Variants in KNTC1 observed in about 807,000 individuals in gnomAD.
The protein encoded by KNTC1 is kinetochore-associated protein 1.
A neutral mutation model predicts 314.4 loss-of-function variants in KNTC1; 253 were observed. That is an observed-to-expected ratio of 0.80 (90% CI 0.73 to 0.89). The LOEUF (loss-of-function observed/expected upper bound fraction) is 0.89. Among genes scored for constraint, KNTC1 ranks in the 40% least tolerant of loss-of-function variants. KNTC1 has a pLI of 0.00. For synonymous variants in KNTC1, 901 were observed against 901.4 expected (o/e 1.00, Z 0.01); for missense variants, 2,475 against 2,572.9 (o/e 0.96, Z 0.82).
intron 51 of KNTC1, among the ~76,000 whole-genome samples, chr12:122,605,875 G>A (rs560412222): frequency 4.0e-5 from 6 of 151,724 alleles, no homozygotes; most frequent in African/African-American, 1.2e-4. Flanking sequence ...ACAGAGTTTC[G>A]CTCTGTCACC....
chr12:122,532,837 AC>A (rs1961475255), intron 2 of KNTC1, among the ~76,000 whole-genome samples: 1 of 152,240 alleles, frequency 6.6e-6, no homozygotes, highest in Non-Finnish European at 1.5e-5. Context: ...TGCCAAATGA[AC>A]AGTACAGACA....
intron 61 of KNTC1, 38 bp from the exon 62 acceptor site, chr12:122,622,419 ATAGAT>A (rs761403391): frequency 2.8e-6 from 4 of 1,426,428 alleles, no homozygotes; most frequent in Non-Finnish European, 3.9e-6. Context: ...TCTGATTCTA[ATAGAT>A]TAGAAGTCTG....
chr12:122,589,766 G>T (rs973984179), intron 40 of KNTC1, among the ~76,000 whole-genome samples: 1 of 149,778 alleles, frequency 6.7e-6, no homozygotes, highest in Non-Finnish European at 1.5e-5. Flanking sequence ...TATTGTGCCC[G>T]GGCCCCCCAA....
At position 122,582,561 on chromosome 12, in the gene KNTC1, A is replaced by G. The variant is rs745890560; in HGVS notation, c.2983-144A>G. ...GTACCTCAAGCCTCAGCATCACACA[A>G]TATACCCAGGTGAGAAGCCCAGACA... On this transcript the variant is annotated intron_variant, in intron 33 of 63. Transcript: ENST00000333479. 2.7e-5 allele frequency: 19 copies of G among 702,396 alleles called. No homozygotes were observed. The East Asian group carries it at 3.3e-4, about 12-fold the overall frequency. The allele number at this position is 702,396 out of a possible 1,614,324, so 43.5% of individuals were successfully genotyped here.
chr12:122,561,676 ACTC>A (rs1385579222), intron 18 of KNTC1, among the ~76,000 whole-genome samples: 4 of 151,286 alleles, frequency 2.6e-5, no homozygotes, highest in African/African-American at 4.9e-5. Flanking sequence ...GTCATCCTGA[ACTC>A]CTGAGCTCAA....
intron 1 of KNTC1, among the ~76,000 whole-genome samples, chr12:122,529,098 C>T (rs1961092678): frequency 6.6e-6 from 1 of 152,144 alleles, no homozygotes; most frequent in Admixed American, 6.5e-5. Context: ...CCTGCCTAAG[C>T]CTCCCAAAGT....
In KNTC1 at chr12:122,602,578, A is replaced by T. The variant is rs761777471; in HGVS notation, c.4663A>T (p.Ile1555Phe). The T allele has an allele frequency of 6.2e-7, 1 of 1,604,700 alleles. No homozygotes were observed. The highest frequency in any genetic ancestry group is 8.5e-7 in the Non-Finnish European group (1 of 1,173,042). Residue 1555 changes from isoleucine to phenylalanine, a missense_variant, in exon 46 of 64, where the codon ATT becomes TTT. Transcript: ENST00000333479. ...TNININQALS[I>F]LKHLKSYRRI... is the part of the protein sequence containing the mutation. ...TTTTATTTTAATATAGGCATTGAGT[A>T]TTCTGAAACATTTGAAGTCATACAG...
chr12:122,577,867 C>T, intron 31 of KNTC1, 76 bp downstream of exon 31: 1 of 1,332,470 alleles, frequency 7.5e-7, no homozygotes, highest in Non-Finnish European at 1.0e-6. Flanking sequence ...AAAAGATGGA[C>T]TTACACATAT....
Position 122,604,657 on chromosome 12 carries a change from T to C in KNTC1, c.5175+20T>C, listed in dbSNP as rs750127235. On this transcript the variant is annotated intron_variant, in intron 49 of 63. Coordinates refer to ENST00000333479, the MANE Select transcript of KNTC1 (RefSeq NM_014708.6). Reference sequence around the variant, plus strand: ...TCGCAGGTGTGTCTGAACTATCAGATTGGCGGCTTCTCTTCTTCCTAATTA... The same window carrying C: ...TCGCAGGTGTGTCTGAACTATCAGACTGGCGGCTTCTCTTCTTCCTAATTA... The C allele has an allele frequency of 6.6e-7, 1 of 1,517,218 alleles. No individual in the cohort carries two copies. Among genetic ancestry groups the C allele is most frequent in the Non-Finnish European group, 9.1e-7 (1 of 1,094,816 alleles). The allele number at this position is 1,517,218 out of a possible 1,614,324, so 94.0% of individuals were successfully genotyped here.
rs200148805 is a variant in KNTC1, at chr12:122,584,478, T to G, written c.3436+28T>G. On this transcript the variant is annotated intron_variant, in intron 35 of 63. Coordinates refer to ENST00000333479, the MANE Select transcript of KNTC1 (RefSeq NM_014708.6). The stretch of plus-strand genomic sequence containing the variant: ...GACAATATTTATAATATACGTAGTT[T>G]TATATTCTCTGGTTCATGTCATACT... 128 of 1,539,596 alleles carry G rather than the reference T, an allele frequency of 8.3e-5. 1 individual carries two copies. In the East Asian group the frequency reaches 2.9e-3, roughly 35 times the overall value.
At chr12:122,588,023 T>G in intron 39 of KNTC1, 149 bp downstream of exon 39, 1 of 662,682 alleles carries the variant, frequency 1.5e-6, no homozygotes, top group Non-Finnish European at 2.4e-6. Flanking sequence ...TGAGCATCTC[T>G]AAGAATCTGG....
At chr12:122,605,148 A>G in intron 50 of KNTC1, 61 bp downstream of exon 50, 1 of 1,398,744 alleles carries the variant, frequency 7.1e-7, no homozygotes, top group East Asian at 2.5e-5. Flanking sequence ...TCTCAGTTTT[A>G]TGTATATATG....
intron 20 of KNTC1, among the ~76,000 whole-genome samples, chr12:122,567,347 G>C (rs1178403970): frequency 6.6e-6 from 1 of 152,018 alleles, no homozygotes; most frequent in Non-Finnish European, 1.5e-5. Flanking sequence ...TGGGATTACA[G>C]GCGTGAGCCA....
At chr12:122,624,848 A>G in intron 63 of KNTC1, 160 bp downstream of exon 63, 2 of 635,078 alleles carry the variant, frequency 3.1e-6, no homozygotes, top group Admixed American at 4.0e-5. Context: ...GTTCTAAACT[A>G]GAAATCAAGA....
At chr12:122,546,365 A>G (rs867763188) in intron 9 of KNTC1, 96 bp downstream of exon 9, 15 of 764,792 alleles carry the variant, frequency 2.0e-5, no homozygotes, top group Middle Eastern at 7.2e-4. Flanking sequence ...ATTTTACCCT[A>G]CCACTCTTTG....
chr12:122,615,649 C>T, intron 57 of KNTC1, 123 bp downstream of exon 57: 1 of 896,692 alleles, frequency 1.1e-6, no homozygotes, highest in Non-Finnish European at 1.6e-6. Flanking sequence ...GAGCCAAGTA[C>T]AGTGGCTCAC....
chr12:122,564,025 T>C (rs1293243095), intron 20 of KNTC1, among the ~76,000 whole-genome samples: 1 of 152,250 alleles, frequency 6.6e-6, no homozygotes, highest in Non-Finnish European at 1.5e-5. Flanking sequence ...TTGCCAAGGC[T>C]GGAGTCCAGC....
chr12:122,626,181 A>G (rs533537450), intron 63 of KNTC1, 24 bp from the exon 64 acceptor site: 14 of 1,539,700 alleles, frequency 9.1e-6, no homozygotes, highest in Admixed American at 1.8e-5. Context: ...TATAAAAATC[A>G]CTTCTGTGTT....
chr12:122,592,230 G>C (rs1427663563), intron 42 of KNTC1, among the ~76,000 whole-genome samples: 2 of 152,208 alleles, frequency 1.3e-5, no homozygotes, highest in African/African-American at 4.8e-5. Context: ...CGCTGTGCTC[G>C]CTTTCTCGCC....
Sources: allele counts gnomAD v4.1 joint callset (sites outside exome capture counted in the v4.1 genomes callset), GRCh38; gene constraint gnomAD v4.1.1; transcripts MANE v1.5; gene names NCBI Gene and HGNC (gene_info 2026-07-23, HGNC 2026-07-21).